The following TENM2 variants were observed in gnomAD, a reference collection of about 807,000 sequenced individuals.
TENM2 encodes the protein teneurin transmembrane protein 2, also known as teneurin-2.
A neutral mutation model predicts 245.2 loss-of-function variants in TENM2; 52 were observed. The ratio of observed to expected loss-of-function variants is 0.21; its 90% CI spans 0.17 to 0.27. TENM2 has a LOEUF of 0.27. Ranked by LOEUF, TENM2 falls within the 10% of genes least tolerant of loss-of-function variation. The probability of loss-of-function intolerance (pLI) is 1.00; values close to 1 mark genes in which losing one functional copy is unlikely to be tolerated. For missense variants in TENM2, 3,046 were observed against 3,666.8 expected (o/e 0.83, Z 4.37); for synonymous variants, 1,363 against 1,438.9 (o/e 0.95, Z 1.19).
chr5:167,791,147 T>C (rs1389359137), intron 2 of TENM2, among the ~76,000 whole-genome samples: 1 of 152,108 alleles, frequency 6.6e-6, no homozygotes, highest in East Asian at 1.9e-4. Context: ...TTAGAATTTA[T>C]CTAGCAAAGC....
At chr5:167,124,471 G>C in the TENM2 span, among the ~76,000 whole-genome samples, 1 of 152,090 alleles carries the variant, frequency 6.6e-6, no homozygotes, top group African/African-American at 2.4e-5. Context: ...GCCCATTGTA[G>C]GCATTCAATA....
rs557281632 is a variant in TENM2, at chr5:167,614,447, C to T, written c.502+238974C>T. ...GGTGGTAGTAATATACGAAGACAGC[C>T]CCAGGCCCCAGGCTTCTGTGCCTTG... On this transcript the variant is annotated intron_variant, in intron 2 of 28. Coordinates refer to ENST00000518659, the Ensembl canonical transcript of TENM2. Among the ~76,000 whole-genome samples, 107 of 152,212 alleles carry T rather than the reference C, an allele frequency of 7.0e-4. 1 individual carries two copies. In the South Asian group the frequency reaches 0.015, roughly 21 times the overall value.
chr5:167,014,521 T>G, the TENM2 span, among the ~76,000 whole-genome samples: 1 of 152,154 alleles, frequency 6.6e-6, no homozygotes, highest in Non-Finnish European at 1.5e-5. Flanking sequence ...ATTCAAAATT[T>G]TAATGGATTC....
chr5:168,226,078 C>T lies in TENM2; in HGVS notation c.5109-10C>T, dbSNP rs1450579623. 6.2e-7 allele frequency: 1 copy of T among 1,610,788 alleles called. No homozygotes were observed. The highest frequency in any genetic ancestry group is 8.5e-7 in the Non-Finnish European group (1 of 1,178,768). On this transcript the variant is annotated splice_polypyrimidine_tract_variant and intron_variant, in intron 23 of 28. Transcript: ENST00000518659. ...AACCAGGGTTTATCTATCTATCTAT[C>T]TCCCCCCAGCTATGACCACGAAGGC...
chr5:168,152,595 C>T (rs1756751792), intron 12 of TENM2, among the ~76,000 whole-genome samples: 4 of 152,202 alleles, frequency 2.6e-5, no homozygotes, highest in Admixed American at 2.6e-4. Context: ...TATTTCCATA[C>T]TGGTAGGTAC....
At chr5:167,416,220 G>GT (rs1367610670) in intron 2 of TENM2, among the ~76,000 whole-genome samples, 1 of 152,156 alleles carries the variant, frequency 6.6e-6, no homozygotes, top group African/African-American at 2.4e-5. Context: ...TGCCTTTATT[G>GT]TAACAGTGCC....
intron 1 of TENM2, among the ~76,000 whole-genome samples, chr5:167,330,968 T>C (rs184791330): frequency 5.6e-4 from 85 of 152,152 alleles, no homozygotes; most frequent in Non-Finnish European, 2.9e-5. Flanking sequence ...CCAGGCGTGG[T>C]GGCTCATGCC....
At chr5:167,154,406 G>T in the TENM2 span, among the ~76,000 whole-genome samples, 156 of 152,164 alleles carry the variant, frequency 1.0e-3, 1 homozygote, top group African/African-American at 3.6e-3. Flanking sequence ...ATGCAAACTT[G>T]GCATGAATCT....
intron 2 of TENM2, among the ~76,000 whole-genome samples, chr5:167,548,329 T>C (rs372322118): frequency 7.2e-5 from 11 of 152,312 alleles, no homozygotes; most frequent in African/African-American, 2.6e-4. Context: ...ATTTCTTCAA[T>C]TTCAGATCAT....
chr5:167,580,936 C>T (rs1408671493), intron 2 of TENM2, among the ~76,000 whole-genome samples: 1 of 152,272 alleles, frequency 6.6e-6, no homozygotes. Flanking sequence ...TTGTAGTGAG[C>T]GGAGATCGTG....
chr5:167,764,460 C>A (rs1762871910), intron 2 of TENM2, among the ~76,000 whole-genome samples: 2 of 152,188 alleles, frequency 1.3e-5, no homozygotes, highest in African/African-American at 4.8e-5. Context: ...TGTCATATCT[C>A]ACCTGGCAAA....
the TENM2 span, among the ~76,000 whole-genome samples, chr5:167,192,900 G>T: frequency 1.1e-4 from 17 of 152,048 alleles, no homozygotes; most frequent in Non-Finnish European, 7.4e-5. Context: ...GAAGGGAAAA[G>T]ATATTGCAGG....
chr5:167,826,430 T>C (rs1767978705), intron 2 of TENM2, among the ~76,000 whole-genome samples: 1 of 152,174 alleles, frequency 6.6e-6, no homozygotes, highest in African/African-American at 2.4e-5. Context: ...TTCTTCCTTC[T>C]TCATAGACCC....
chr5:167,290,985 T>G (rs11739327), intron 1 of TENM2, among the ~76,000 whole-genome samples: 29,176 of 152,064 alleles, frequency 0.19, 3,876 homozygotes, highest in East Asian at 0.39. Flanking sequence ...AGTCAATGTT[T>G]TGGATTTTCA....
At chr5:167,749,622 A>G (rs1356399326) in intron 2 of TENM2, among the ~76,000 whole-genome samples, 1 of 131,606 alleles carries the variant, frequency 7.6e-6, no homozygotes, top group Non-Finnish European at 1.7e-5. Context: ...TGGGTGAAAG[A>G]GCTAAACCCC....
At chr5:167,506,850 G>A (rs1191425497) in intron 2 of TENM2, among the ~76,000 whole-genome samples, 1 of 152,178 alleles carries the variant, frequency 6.6e-6, no homozygotes, top group Non-Finnish European at 1.5e-5. Context: ...ATTTCTGGAA[G>A]TGGGTTTCTG....
chr5:167,577,520 T>C (rs1398128531), intron 2 of TENM2, among the ~76,000 whole-genome samples: 1 of 152,224 alleles, frequency 6.6e-6, no homozygotes, highest in Admixed American at 6.5e-5. Context: ...ACTTCTATTT[T>C]GTAATTAATG....
chr5:167,382,184 G>A (rs865821537), intron 2 of TENM2, among the ~76,000 whole-genome samples: 2 of 152,174 alleles, frequency 1.3e-5, no homozygotes, highest in African/African-American at 2.4e-5. Context: ...TACTTCAGCT[G>A]ATTGAAGAAA....
At chr5:167,314,771 A>G (rs1158291543) in intron 1 of TENM2, among the ~76,000 whole-genome samples, 2 of 152,110 alleles carry the variant, frequency 1.3e-5, no homozygotes, top group Non-Finnish European at 2.9e-5. Context: ...GATATGCTAC[A>G]TGTAGCCTTA....
Sources: gnomAD v4.1 joint callset for allele counts (sites outside exome capture counted in the v4.1 genomes callset) on GRCh38, gnomAD v4.1.1 for gene constraint, MANE v1.5 for transcripts, NCBI Gene and HGNC (gene_info 2026-07-23, HGNC 2026-07-21) for gene names.